The following ADAM29 variants were observed in gnomAD, a reference collection of about 807,000 sequenced individuals.
ADAM29 encodes the protein disintegrin and metalloproteinase domain-containing protein 29.
For synonymous variants in ADAM29, 367 were observed against 342.3 expected (o/e 1.07, Z -0.80); for missense variants, 969 against 1,001.8 (o/e 0.97, Z 0.44).
At chr4:174,956,624 G>T (rs1745521065) in intron 4 of ADAM29, among the ~76,000 whole-genome samples, 1 of 151,704 alleles carries the variant, frequency 6.6e-6, no homozygotes, top group Non-Finnish European at 1.5e-5. Flanking sequence ...AATCATTGTG[G>T]TGGTAATATT....
intron 4 of ADAM29, among the ~76,000 whole-genome samples, chr4:174,956,089 A>C (rs1360166471): frequency 6.6e-6 from 1 of 152,022 alleles, no homozygotes; most frequent in African/African-American, 2.4e-5. Context: ...TTATCTCTAA[A>C]ATAGCTTTAC....
At chr4:174,948,740 A>T (rs908101819) in intron 4 of ADAM29, among the ~76,000 whole-genome samples, 1 of 152,040 alleles carries the variant, frequency 6.6e-6, no homozygotes, top group African/African-American at 2.4e-5. Flanking sequence ...CTCTGCTAGC[A>T]CTTGTGCTGA....
chr4:174,972,166 A>T (rs1171950100), intron 4 of ADAM29, among the ~76,000 whole-genome samples: 1 of 152,158 alleles, frequency 6.6e-6, no homozygotes. Context: ...TCATATAATG[A>T]TGTTTCATTA....
intron 4 of ADAM29, among the ~76,000 whole-genome samples, chr4:174,938,478 G>A (rs996878682): frequency 6.6e-6 from 1 of 152,076 alleles, no homozygotes; most frequent in Non-Finnish European, 1.5e-5. Flanking sequence ...TTTTATGAAG[G>A]AGGAGGAAAA....
At position 174,978,024 on chromosome 4, in the gene ADAM29, T is replaced by G. The variant is rs758996057; in HGVS notation, c.*36T>G. The G allele has an allele frequency of 1.2e-5, 20 of 1,602,544 alleles. No homozygotes were observed. Among genetic ancestry groups the G allele is most frequent in the Non-Finnish European group, 1.7e-5 (20 of 1,172,394 alleles). The stretch of plus-strand genomic sequence containing the variant: ...AGTTGATGCCTTCCCAGAGTCAACC[T>G]CCTGTGACGCCCTCCCAGAGCCAAC... On this transcript the variant is annotated 3_prime_UTR_variant, in exon 5 of 5. Coordinates refer to ENST00000359240, the MANE Select transcript of ADAM29 (RefSeq NM_014269.4).
chr4:174,975,499 T>C lies in ADAM29; in HGVS notation c.-27T>C. 1.3e-6 allele frequency: 2 copies of C among 1,494,768 alleles called. No homozygotes were observed. 92.6% of individuals were successfully genotyped at this position (1,494,768 alleles called of 1,614,324 possible). A position where few individuals can be genotyped will look rare whatever the true frequency, so the allele number is the denominator to read the frequency against. On this transcript the variant is annotated 5_prime_UTR_variant, in exon 5 of 5. Transcript: ENST00000359240. ...TGTTTCCATAACAGGGACTTCAAAATCACTGTGATTTGAAGCCTTTTTGAA... is the reference window on the plus strand; with the variant it reads ...TGTTTCCATAACAGGGACTTCAAAACCACTGTGATTTGAAGCCTTTTTGAA...
intron 4 of ADAM29, among the ~76,000 whole-genome samples, chr4:174,947,058 T>A (rs1744891600): frequency 6.6e-6 from 1 of 152,040 alleles, no homozygotes; most frequent in South Asian, 2.1e-4. Context: ...TCTCTGAGGG[T>A]TTTTTTGTAT....
intron 2 of ADAM29, among the ~76,000 whole-genome samples, chr4:174,923,539 A>ATG (rs1743302594): frequency 7.2e-6 from 1 of 139,148 alleles, no homozygotes; most frequent in South Asian, 2.2e-4. Context: ...ATATATATAT[A>ATG]TATATATATA....
chr4:174,925,357 C>G (rs1305567356), intron 2 of ADAM29, among the ~76,000 whole-genome samples: 2 of 136,628 alleles, frequency 1.5e-5, no homozygotes, highest in East Asian at 5.0e-4. Context: ...AAACTCTGTG[C>G]TATCTTTGCA....
intron 4 of ADAM29, among the ~76,000 whole-genome samples, chr4:174,972,675 T>C (rs1579082913): frequency 6.6e-6 from 1 of 152,170 alleles, no homozygotes; most frequent in South Asian, 2.1e-4. Flanking sequence ...GGAGTATCTA[T>C]GGTGTCCACC....
chr4:174,967,873 C>T (rs1362379426), intron 4 of ADAM29, among the ~76,000 whole-genome samples: 1 of 152,150 alleles, frequency 6.6e-6, no homozygotes, highest in African/African-American at 2.4e-5. Context: ...ATGGTTTCTC[C>T]AATACAGACA....
chr4:174,970,275 TTGCAGATG>T (rs1560891223), intron 4 of ADAM29, among the ~76,000 whole-genome samples: 3 of 151,996 alleles, frequency 2.0e-5, no homozygotes, highest in Admixed American at 2.0e-4. Flanking sequence ...TGAATTAAGG[TTGCAGATG>T]GAATCAAGGT....
At chr4:174,938,113 G>A (rs1312488379) in intron 4 of ADAM29, among the ~76,000 whole-genome samples, 2 of 152,036 alleles carry the variant, frequency 1.3e-5, no homozygotes, top group African/African-American at 2.4e-5. Flanking sequence ...ATTATTTGAA[G>A]GGTCTCTAAA....
At chr4:174,933,298 G>C (rs889332907) in intron 3 of ADAM29, among the ~76,000 whole-genome samples, 1 of 152,136 alleles carries the variant, frequency 6.6e-6, no homozygotes, top group Non-Finnish European at 1.5e-5. Context: ...ATTCTAGAGA[G>C]AAGTGAAAGA....
At chr4:174,970,256 A>C (rs898715039) in intron 4 of ADAM29, among the ~76,000 whole-genome samples, 4 of 152,140 alleles carry the variant, frequency 2.6e-5, no homozygotes, top group Non-Finnish European at 5.9e-5. Flanking sequence ...TCCAATTTAC[A>C]TGGTAAAGTG....
intron 4 of ADAM29, among the ~76,000 whole-genome samples, chr4:174,962,889 C>T (rs553680437): frequency 7.2e-5 from 11 of 152,090 alleles, no homozygotes; most frequent in East Asian, 1.9e-4. Context: ...GAGTCAAGCA[C>T]GAATTATCAA....
At chr4:174,926,507 T>C (rs1743523807) in intron 2 of ADAM29, among the ~76,000 whole-genome samples, 1 of 152,070 alleles carries the variant, frequency 6.6e-6, no homozygotes, top group Non-Finnish European at 1.5e-5. Context: ...ATTGACACTC[T>C]AAAACAATGT....
At chr4:174,938,361 T>C (rs1053377972) in intron 4 of ADAM29, among the ~76,000 whole-genome samples, 2 of 152,114 alleles carry the variant, frequency 1.3e-5, no homozygotes, top group African/African-American at 4.8e-5. Context: ...CTAAGTCCAG[T>C]AATGCTACCC....
At chr4:174,927,773 G>A (rs887998102) in intron 2 of ADAM29, among the ~76,000 whole-genome samples, 2 of 152,152 alleles carry the variant, frequency 1.3e-5, no homozygotes, top group East Asian at 1.9e-4. Flanking sequence ...AGCTACCTGG[G>A]TATTCCTGGA....
Sources: gnomAD v4.1 joint callset for allele counts (sites outside exome capture counted in the v4.1 genomes callset) on GRCh38, gnomAD v4.1.1 for gene constraint, MANE v1.5 for transcripts, NCBI Gene and HGNC (gene_info 2026-07-23, HGNC 2026-07-21) for gene names.